LHFPL6: variants seen among roughly 807,000 people sequenced by gnomAD.
LHFPL6 encodes LHFPL tetraspan subfamily member 6 protein.
Under a neutral mutation model 20.6 loss-of-function variants are expected in LHFPL6, and 9 were observed. The ratio of observed to expected loss-of-function variants is 0.44; its 90% confidence interval spans 0.26 to 0.76. The LOEUF (loss-of-function observed/expected upper bound fraction) is 0.76. LHFPL6 is among the 30% of genes least tolerant of loss of function. LHFPL6 has a pLI of 0.20. For synonymous variants in LHFPL6, 105 were observed against 98.7 expected (o/e 1.06, Z -0.38); for missense variants, 218 against 253.5 (o/e 0.86, Z 0.95).
chr13:39,569,259 C>T (rs1285196383), intron 2 of LHFPL6, among the ~76,000 whole-genome samples: 3 of 152,004 alleles, frequency 2.0e-5, no homozygotes, highest in Non-Finnish European at 2.9e-5. Flanking sequence ...AGAGCTTATC[C>T]GCAAATGTCT....
At chr13:39,543,833 G>A (rs961673315) in intron 2 of LHFPL6, among the ~76,000 whole-genome samples, 7 of 152,164 alleles carry the variant, frequency 4.6e-5, no homozygotes, top group African/African-American at 1.7e-4. Context: ...TTATAAAATT[G>A]CATAATGCCA....
At chr13:39,440,489 TCAAA>T (rs1402667550) in intron 2 of LHFPL6, among the ~76,000 whole-genome samples, 6 of 152,154 alleles carry the variant, frequency 3.9e-5, no homozygotes, top group African/African-American at 1.2e-4. Context: ...AAAATGCAAC[TCAAA>T]CAAACAGAAA....
chr13:39,389,301 GAAGA>G (rs1291736598), intron 2 of LHFPL6, among the ~76,000 whole-genome samples: 1 of 152,202 alleles, frequency 6.6e-6, no homozygotes, highest in Non-Finnish European at 1.5e-5. Context: ...TGGAAGAAAG[GAAGA>G]GTGAGCTTGT....
chr13:39,353,252 C>T (rs1358577551), intron 3 of LHFPL6, among the ~76,000 whole-genome samples: 1 of 151,316 alleles, frequency 6.6e-6, no homozygotes, highest in Admixed American at 6.6e-5. Context: ...TTCCAAAGTG[C>T]TGAGATTACA....
chr13:39,365,359 C>T lies in LHFPL6; in HGVS notation c.484+13069G>A, dbSNP rs368702916. On this transcript the variant is annotated intron_variant, in intron 3 of 3. Transcript: ENST00000379589. ...AATATACTCTCTAGGTATCCGGTTA[C>T]ATACCTAGAGAACCGGAACGGAACT... is the stretch of plus-strand genomic sequence containing the variant. Among the ~76,000 whole-genome samples the T allele has an allele frequency of 7.2e-5, 11 of 152,324 alleles. 1 individual carries two copies. The East Asian group carries it at 1.7e-3, about 24-fold the overall frequency.
At chr13:39,526,296 A>AT (rs1474305328) in intron 2 of LHFPL6, among the ~76,000 whole-genome samples, 24 of 152,324 alleles carry the variant, frequency 1.6e-4, no homozygotes, top group African/African-American at 5.8e-4. Context: ...GTAGGCATTG[A>AT]TAGTAGACAG....
intron 2 of LHFPL6, among the ~76,000 whole-genome samples, chr13:39,389,430 G>T (rs918915249): frequency 6.6e-6 from 1 of 152,208 alleles, no homozygotes; most frequent in Middle Eastern, 3.2e-3. Context: ...GTATGGCCAA[G>T]CTTTAACTCA....
At chr13:39,552,571 T>C (rs1259109890) in intron 2 of LHFPL6, among the ~76,000 whole-genome samples, 1 of 152,224 alleles carries the variant, frequency 6.6e-6, no homozygotes, top group East Asian at 1.9e-4. Context: ...TCAAGACCAC[T>C]GGATAGGCGT....
chr13:39,426,490 G>C (rs1483361402), intron 2 of LHFPL6, among the ~76,000 whole-genome samples: 1 of 152,040 alleles, frequency 6.6e-6, no homozygotes, highest in Non-Finnish European at 1.5e-5. Context: ...AAAGTGCGGG[G>C]ATTAAAGGTG....
At chr13:39,551,666 C>T (rs1871148076) in intron 2 of LHFPL6, among the ~76,000 whole-genome samples, 1 of 152,186 alleles carries the variant, frequency 6.6e-6, no homozygotes, top group Admixed American at 6.5e-5. Flanking sequence ...TGCATTGAAT[C>T]TATAAATCCA....
At chr13:39,437,656 C>A (rs1370764649) in intron 2 of LHFPL6, among the ~76,000 whole-genome samples, 1 of 152,184 alleles carries the variant, frequency 6.6e-6, no homozygotes. Flanking sequence ...GTAATCCCAG[C>A]ACTATGGGAG....
chr13:39,545,702 T>C (rs1386275657), intron 2 of LHFPL6, among the ~76,000 whole-genome samples: 1 of 152,140 alleles, frequency 6.6e-6, no homozygotes, highest in Non-Finnish European at 1.5e-5. Flanking sequence ...CTTTAAATCA[T>C]ATCTACATTA....
intron 2 of LHFPL6, among the ~76,000 whole-genome samples, chr13:39,404,553 T>C (rs903132752): frequency 1.3e-5 from 2 of 152,160 alleles, no homozygotes; most frequent in Non-Finnish European, 2.9e-5. Context: ...AGGTGGGAGC[T>C]TCAGTTTTAA....
chr13:39,462,941 CA>C (rs1376950218), intron 2 of LHFPL6, among the ~76,000 whole-genome samples: 2 of 152,130 alleles, frequency 1.3e-5, no homozygotes, highest in African/African-American at 4.8e-5. Context: ...TGTAATCATA[CA>C]AACTCATGCT....
At chr13:39,527,118 A>T (rs1192126166) in intron 2 of LHFPL6, among the ~76,000 whole-genome samples, 17 of 152,224 alleles carry the variant, frequency 1.1e-4, no homozygotes, top group Non-Finnish European at 2.9e-5. Flanking sequence ...TGATACACTA[A>T]AAAAGTAAAA....
intron 2 of LHFPL6, among the ~76,000 whole-genome samples, chr13:39,381,793 C>T (rs181468420): frequency 1.1e-3 from 157 of 148,812 alleles, no homozygotes; most frequent in African/African-American, 3.7e-3. Flanking sequence ...GAGAGACTCC[C>T]GGGATACCTT....
intron 3 of LHFPL6, among the ~76,000 whole-genome samples, chr13:39,356,711 A>T (rs1282697916): frequency 1.3e-5 from 2 of 152,358 alleles, no homozygotes; most frequent in African/African-American, 2.4e-5. Flanking sequence ...GAAATACGAA[A>T]GACTCTCACA....
intron 2 of LHFPL6, among the ~76,000 whole-genome samples, chr13:39,489,551 C>CTT (rs33943302): frequency 0.65 from 96,377 of 148,150 alleles, 31,432 homozygotes; most frequent in East Asian, 0.85. Context: ...TATGCTGTGG[C>CTT]TTTTTTTTTG....
chr13:39,563,009 G>C lies in LHFPL6; in HGVS notation c.385+37823C>G, dbSNP rs1350505310. On this transcript the variant is annotated intron_variant, in intron 2 of 3. Transcript: ENST00000379589. ...TGCAGAAAGCTGATGCCTGCTAGTTGATAATGAATGCAGTAGGAGTAATAG... is the reference window on the plus strand; with the variant it reads ...TGCAGAAAGCTGATGCCTGCTAGTTCATAATGAATGCAGTAGGAGTAATAG... Among the ~76,000 whole-genome samples the C allele has an allele frequency of 2.0e-5, 3 of 151,282 alleles. No homozygotes were observed. The East Asian group carries it at 5.9e-4, about 30-fold the overall frequency.
Sources: allele counts gnomAD v4.1 joint callset (sites outside exome capture counted in the v4.1 genomes callset), GRCh38; gene constraint gnomAD v4.1.1; transcripts MANE v1.5; gene names NCBI Gene and HGNC (gene_info 2026-07-23, HGNC 2026-07-21).